Variants in ATP11C observed in about 807,000 individuals in gnomAD.
ATP11C encodes phospholipid-transporting ATPase IG.
In ATP11C, 36 loss-of-function variants were observed where a neutral mutation model predicts 97.4. The ratio of observed to expected loss-of-function variants is 0.37; its 90% CI spans 0.28 to 0.49. The LOEUF is 0.49. Among genes scored for constraint, ATP11C ranks in the 20% least tolerant of loss-of-function variants. The probability of loss-of-function intolerance (pLI) is 0.98; values close to 1 mark genes in which losing one functional copy is unlikely to be tolerated. For synonymous variants in ATP11C, 275 were observed against 290.9 expected (o/e 0.95, Z 0.56); for missense variants, 730 against 824.6 (o/e 0.89, Z 1.40).
chrX:139,835,418 CTT>C (rs1569476797), intron 1 of ATP11C, among the ~76,000 whole-genome samples: 1 of 110,333 alleles, frequency 9.1e-6, no homozygotes, highest in Non-Finnish European at 1.9e-5. Context: ...GCCAGATTTT[CTT>C]TGACACGGAG....
chrX:139,866,296 G>T (rs1246907727), intron 1 of ATP11C, among the ~76,000 whole-genome samples: 1 of 93,561 alleles, frequency 1.1e-5, no homozygotes, highest in African/African-American at 3.9e-5. Flanking sequence ...GTGAGCCAAG[G>T]TTGCACCACT....
chrX:139,734,789 AAATT>A (rs1036258853), intron 28 of ATP11C, among the ~76,000 whole-genome samples: 1 of 111,413 alleles, frequency 9.0e-6, no homozygotes, highest in Non-Finnish European at 1.9e-5. Context: ...TTGGGGAAAA[AAATT>A]AACCTCATTG....
chrX:139,824,468 A>G (rs1372160183), intron 2 of ATP11C, among the ~76,000 whole-genome samples: 1 of 111,904 alleles, frequency 8.9e-6, no homozygotes, highest in Non-Finnish European at 1.9e-5. Flanking sequence ...TTGGAAGGCC[A>G]AGGCAGGCGG....
intron 20 of ATP11C, among the ~76,000 whole-genome samples, chrX:139,767,407 G>A (rs990698347): frequency 1.8e-5 from 2 of 110,888 alleles, no homozygotes; most frequent in Non-Finnish European, 3.8e-5. Flanking sequence ...AGAGGGAGAG[G>A]AGAAGGATCA....
At chrX:139,933,977 C>G (rs897423627), upstream of ATP11C, among the ~76,000 whole-genome samples, 1 of 111,573 alleles carries the variant, frequency 9.0e-6, no homozygotes, top group Non-Finnish European at 1.9e-5. Context: ...TAGGGGAGAG[C>G]GACATTGCAT....
chrX:139,856,188 G>A (rs1195759901), intron 1 of ATP11C, among the ~76,000 whole-genome samples: 2 of 112,378 alleles, frequency 1.8e-5, no homozygotes, highest in Admixed American at 1.9e-4. Flanking sequence ...TCGACCAGGC[G>A]TGGACTGCAT....
chrX:139,733,208 A>T (rs1477663054), intron 28 of ATP11C, among the ~76,000 whole-genome samples: 1 of 111,651 alleles, frequency 9.0e-6, no homozygotes, highest in African/African-American at 3.3e-5. Flanking sequence ...TTCCCCTTAA[A>T]ACACCCAGAA....
At position 139,787,201 on chromosome X, in the gene ATP11C, C is replaced by T. The variant is rs376608133; in HGVS notation, c.1564G>A (p.Val522Ile). ...TCTATTTCTTTTCTTTGGTTCTCTA[C>T]TCTCATATATCCATTTCGATTTCCT... ...FLGNRNGYMR[V>I]ENQRKEIEEY... The change falls in exon 15 of 30, where the codon GTA (valine) becomes ATA (isoleucine). Residue 522 changes from valine to isoleucine, a missense_variant. By Grantham distance (29) the Val-to-Ile change is conservative (BLOSUM62 3). Transcript: ENST00000682941. 2.5e-6 allele frequency: 3 copies of T among 1,192,338 alleles called. No individual in the cohort carries two copies. Among genetic ancestry groups the T allele is most frequent in the Non-Finnish European group, 3.4e-6 (3 of 878,409 alleles).
intron 1 of ATP11C, among the ~76,000 whole-genome samples, chrX:139,867,240 C>T (rs1196353854): frequency 1.8e-5 from 2 of 111,317 alleles, no homozygotes; most frequent in African/African-American, 6.5e-5. Context: ...TCCCTCATAG[C>T]GCTTACATTC....
intron 1 of ATP11C, among the ~76,000 whole-genome samples, chrX:139,859,916 A>C (rs1179643510): frequency 1.2e-5 from 1 of 84,010 alleles, no homozygotes; most frequent in Non-Finnish European, 2.0e-5. Context: ...CCCGGCTAAA[A>C]ACGGTGAAAC....
At position 139,874,188 on chromosome X, in the gene ATP11C, G is replaced by A. The variant is rs761656827; in HGVS notation, c.28-47365C>T. On this transcript the variant is annotated intron_variant, in intron 1 of 29. Transcript: ENST00000682941. ...CTCCCGAGTACCTGGGATTACAGAC[G>A]TGTGCCACCATGCCTGGCTAATTTT... 5.1e-3 allele frequency among the ~76,000 whole-genome samples: 536 copies of A among 105,166 alleles called. 4 individuals are homozygous for A. The highest frequency in any genetic ancestry group is 8.3e-3 in the Non-Finnish European group (429 of 51,545). The allele number at this position is 105,166 out of a possible 115,157, so 91.3% of individuals were successfully genotyped here.
chrX:139,898,696 C>T (rs1945831695), intron 1 of ATP11C, among the ~76,000 whole-genome samples: 1 of 111,776 alleles, frequency 8.9e-6, no homozygotes, highest in African/African-American at 3.2e-5. Context: ...ATATTTGAAA[C>T]ATGTCAACTG....
chrX:139,744,941 A>G (rs2081647764), intron 25 of ATP11C, among the ~76,000 whole-genome samples: 1 of 112,058 alleles, frequency 8.9e-6, no homozygotes. Context: ...AGGTGTTACC[A>G]GGTTCCAGAC....
At chrX:139,808,528 A>G (rs2083096140) in intron 5 of ATP11C, among the ~76,000 whole-genome samples, 1 of 111,931 alleles carries the variant, frequency 8.9e-6, no homozygotes, top group Admixed American at 9.5e-5. Context: ...TGAAAGACTC[A>G]TTAGAAACTA....
intron 18 of ATP11C, among the ~76,000 whole-genome samples, chrX:139,781,730 T>A (rs2082462737): frequency 9.1e-6 from 1 of 110,180 alleles, no homozygotes; most frequent in Non-Finnish European, 1.9e-5. Flanking sequence ...AATAAATAAA[T>A]AAATAAAAAT....
chrX:139,879,540 G>A (rs2084529708), intron 1 of ATP11C, among the ~76,000 whole-genome samples: 1 of 110,911 alleles, frequency 9.0e-6, no homozygotes, highest in Non-Finnish European at 1.9e-5. Context: ...TAATCAAATG[G>A]CACAAATTTT....
At chrX:139,921,674 G>C (rs1203392883) in intron 1 of ATP11C, among the ~76,000 whole-genome samples, 2 of 111,116 alleles carry the variant, frequency 1.8e-5, no homozygotes, top group Non-Finnish European at 3.8e-5. Flanking sequence ...AAATGTGTTG[G>C]TAAGGAATGT....
intron 1 of ATP11C, among the ~76,000 whole-genome samples, chrX:139,892,098 C>G (rs1283352674): frequency 9.0e-6 from 1 of 111,726 alleles, no homozygotes; most frequent in Non-Finnish European, 1.9e-5. Flanking sequence ...CTCATGTGAT[C>G]TGCCTGTGTC....
chrX:139,834,154 C>T (rs757047453), intron 1 of ATP11C, among the ~76,000 whole-genome samples: 2 of 111,640 alleles, frequency 1.8e-5, no homozygotes, highest in East Asian at 5.6e-4. Flanking sequence ...GAATTATGGT[C>T]CACTAGCAGA....
Sources: allele counts gnomAD v4.1 joint callset (sites outside exome capture counted in the v4.1 genomes callset), GRCh38; gene constraint gnomAD v4.1.1; transcripts MANE v1.5; gene names NCBI Gene and HGNC (gene_info 2026-07-23, HGNC 2026-07-21).